SDK1: variants seen among roughly 807,000 people sequenced by gnomAD.
The protein encoded by SDK1 is protein sidekick-1.
SDK1 carries 157 observed loss-of-function variants against 245.5 expected under a neutral mutation model. That is an observed-to-expected ratio of 0.64 (90% CI 0.56 to 0.73). The LOEUF (loss-of-function observed/expected upper bound fraction) is 0.73, where lower values mean the gene tolerates loss of function less well. SDK1 is among the 30% of genes least tolerant of loss of function. The pLI is 0.00. For synonymous variants in SDK1, 1,647 were observed against 1,278.5 expected (o/e 1.29, Z -6.15); for missense variants, 3,583 against 3,002.3 (o/e 1.19, Z -4.52).
chr7:3,838,558 A>G (rs1780079413), intron 5 of SDK1, among the ~76,000 whole-genome samples: 1 of 152,198 alleles, frequency 6.6e-6, no homozygotes, highest in East Asian at 1.9e-4. Context: ...GATAGAAACA[A>G]AGCCCTGCTT....
intron 5 of SDK1, among the ~76,000 whole-genome samples, chr7:3,891,663 G>T (rs1194514783): frequency 6.6e-6 from 1 of 152,108 alleles, no homozygotes; most frequent in Non-Finnish European, 1.5e-5. Context: ...CAAATTCTGG[G>T]TCTCTTTCTC....
intron 1 of SDK1, among the ~76,000 whole-genome samples, chr7:3,413,103 G>A (rs1006582722): frequency 6.6e-6 from 1 of 152,132 alleles, no homozygotes; most frequent in Admixed American, 6.5e-5. Context: ...GTTATGGAAG[G>A]CCCCCTGAGG....
chr7:3,791,272 G>A lies in SDK1; in HGVS notation c.714-30178G>A, dbSNP rs550324349. ...ACATTGTGCTGGACTAGATGAATCC[G>A]CCTCGTGGAACTACAGCCAGTGAGT... On this transcript the variant is annotated intron_variant, in intron 4 of 44. Transcript: ENST00000404826. Among the ~76,000 whole-genome samples, 7 of 152,256 alleles carry A rather than the reference G, an allele frequency of 4.6e-5. No individual in the cohort carries two copies. The East Asian group carries it at 5.8e-4, about 13-fold the overall frequency.
At chr7:3,490,733 G>T (rs565811063) in intron 1 of SDK1, among the ~76,000 whole-genome samples, 7 of 152,210 alleles carry the variant, frequency 4.6e-5, no homozygotes, top group African/African-American at 1.7e-4. Flanking sequence ...ACTTGGAGGG[G>T]TCTGTGAGCC....
intron 1 of SDK1, among the ~76,000 whole-genome samples, chr7:3,579,291 T>G (rs1478548528): frequency 6.7e-6 from 1 of 149,690 alleles, no homozygotes; most frequent in Non-Finnish European, 1.5e-5. Flanking sequence ...ACAAAATACC[T>G]GCAAACCAAG....
intron 4 of SDK1, among the ~76,000 whole-genome samples, chr7:3,812,904 G>C (rs1779419859): frequency 6.6e-6 from 1 of 152,088 alleles, no homozygotes. Flanking sequence ...GGTTTCTGTT[G>C]GTTTGAAATC....
chr7:4,204,126 C>T (rs17134567), intron 35 of SDK1, among the ~76,000 whole-genome samples: 49,448 of 152,192 alleles, frequency 0.32, 8,792 homozygotes, highest in African/African-American at 0.47. Context: ...GATGTCTCAC[C>T]GACTACCAGG....
chr7:3,492,751 T>C (rs1183298438), intron 1 of SDK1, among the ~76,000 whole-genome samples: 2 of 152,100 alleles, frequency 1.3e-5, no homozygotes, highest in Non-Finnish European at 2.9e-5. Context: ...TTGAACAAAG[T>C]CCCACCTCAT....
At chr7:4,163,596 C>A (rs949005313) in intron 32 of SDK1, among the ~76,000 whole-genome samples, 1 of 152,210 alleles carries the variant, frequency 6.6e-6, no homozygotes, top group African/African-American at 2.4e-5. Flanking sequence ...CTTCACTTTG[C>A]AGCACGGAGG....
chr7:3,492,721 A>G (rs1469243538), intron 1 of SDK1, among the ~76,000 whole-genome samples: 1 of 152,058 alleles, frequency 6.6e-6, no homozygotes, highest in Admixed American at 6.5e-5. Flanking sequence ...ATCCCTGACA[A>G]CCTGTTAAGT....
intron 1 of SDK1, among the ~76,000 whole-genome samples, chr7:3,347,199 C>T (rs1562430496): frequency 6.6e-6 from 1 of 151,876 alleles, no homozygotes; most frequent in African/African-American, 2.4e-5. Flanking sequence ...TCCAAGAACT[C>T]TTCTCCAGGT....
At chr7:4,254,884 A>C (rs1562485253) in intron 44 of SDK1, among the ~76,000 whole-genome samples, 1 of 152,138 alleles carries the variant, frequency 6.6e-6, no homozygotes, top group Non-Finnish European at 1.5e-5. Context: ...ACCAGGGATG[A>C]CTGTGGTTTT....
At chr7:3,351,787 C>G (rs1466086335) in intron 1 of SDK1, among the ~76,000 whole-genome samples, 1 of 152,040 alleles carries the variant, frequency 6.6e-6, no homozygotes, top group East Asian at 1.9e-4. Context: ...AATGCACAAT[C>G]CTAGTGGGAA....
intron 17 of SDK1, among the ~76,000 whole-genome samples, chr7:4,046,237 C>T (rs558569492): frequency 4.6e-5 from 7 of 152,170 alleles, no homozygotes; most frequent in Non-Finnish European, 1.0e-4. Context: ...CCATGAGCCA[C>T]AGCACCCGGC....
intron 21 of SDK1, 26 bp downstream of exon 21, chr7:4,077,215 C>G: frequency 6.2e-7 from 1 of 1,601,628 alleles, no homozygotes; most frequent in Non-Finnish European, 8.5e-7. Context: ...TGCGGTCCTC[C>G]TGCTGTCACC....
Position 3,582,295 on chromosome 7 carries a change from G to A in SDK1, c.299-36785G>A. On this transcript the variant is annotated intron_variant, in intron 1 of 44. Coordinates refer to ENST00000404826, the MANE Select transcript of SDK1 (RefSeq NM_152744.4). ...TCTCCCTCAGGTAGGTCTGTCTCAG[G>A]TAGGTCTCCCTCAGGTAGGTCTGTC... Among the ~76,000 whole-genome samples the A allele has an allele frequency of 1.3e-5, 2 of 150,774 alleles. 1 individual carries two copies. Among genetic ancestry groups the A allele is most frequent in the Non-Finnish European group, 3.0e-5 (2 of 67,740 alleles).
chr7:3,491,920 C>T (rs557046325), intron 1 of SDK1, among the ~76,000 whole-genome samples: 1 of 152,100 alleles, frequency 6.6e-6, no homozygotes, highest in Non-Finnish European at 1.5e-5. Flanking sequence ...ATATTGATGA[C>T]CACTGTTTAG....
At chr7:4,041,575 C>A (rs1405944532) in intron 17 of SDK1, among the ~76,000 whole-genome samples, 1 of 152,100 alleles carries the variant, frequency 6.6e-6, no homozygotes, top group Non-Finnish European at 1.5e-5. Context: ...TTTCCTTGCC[C>A]TCAAAACCCC....
intron 7 of SDK1, among the ~76,000 whole-genome samples, chr7:3,954,764 G>C (rs897685885): frequency 2.0e-5 from 3 of 150,630 alleles, no homozygotes; most frequent in Non-Finnish European, 4.4e-5. Flanking sequence ...GATGGTACCA[G>C]CTCATATTGT....
Sources: gnomAD v4.1 joint callset for allele counts (sites outside exome capture counted in the v4.1 genomes callset) on GRCh38, gnomAD v4.1.1 for gene constraint, MANE v1.5 for transcripts, NCBI Gene and HGNC (gene_info 2026-07-23, HGNC 2026-07-21) for gene names.